The following AOPEP variants were observed in gnomAD, a reference collection of about 807,000 sequenced individuals.
AOPEP encodes aminopeptidase O.
A neutral mutation model predicts 98.1 loss-of-function variants in AOPEP; 77 were observed. The observed-to-expected ratio is 0.78, with a 90% CI of 0.65 to 0.95. The LOEUF is 0.95. Among genes scored for constraint, AOPEP ranks in the 40% least tolerant of loss-of-function variants. The pLI is 0.00. For synonymous variants in AOPEP, 346 were observed against 365.3 expected (o/e 0.95, Z 0.60); for missense variants, 1,024 against 1,024.7 (o/e 1.00, Z 0.01).
intron 5 of AOPEP, among the ~76,000 whole-genome samples, chr9:94,811,312 T>C (rs1269191342): frequency 1.3e-5 from 2 of 152,190 alleles, no homozygotes; most frequent in Non-Finnish European, 2.9e-5. Flanking sequence ...CCCTAGGCTT[T>C]ATATGCCCCA....
At chr9:94,781,412 A>G (rs1453291496) in intron 3 of AOPEP, among the ~76,000 whole-genome samples, 2 of 152,212 alleles carry the variant, frequency 1.3e-5, no homozygotes, top group Non-Finnish European at 2.9e-5. Context: ...TAGTGATAGT[A>G]ACAAAATCGA....
rs137926015 is a variant in AOPEP, at chr9:94,900,947, T to C, written c.1365-23039T>C. 3.9e-5 allele frequency: 6 copies of C among 152,344 alleles called. No individual in the cohort carries two copies. In the East Asian group the frequency reaches 1.2e-3, roughly 29 times the overall value. The allele number at this position is 152,344 out of a possible 1,614,324, so 9.4% of individuals were successfully genotyped here. On this transcript the variant is annotated intron_variant, in intron 5 of 16. Transcript: ENST00000375315. ...TTTTTTTAGAACTTGCTCAACTCTT[T>C]CCTGCAATAATGCTGTGCTTGGATC...
intron 3 of AOPEP, among the ~76,000 whole-genome samples, chr9:94,782,665 C>A (rs1228645615): frequency 1.3e-5 from 2 of 152,160 alleles, no homozygotes; most frequent in South Asian, 4.1e-4. Flanking sequence ...ATTTTCCTCA[C>A]AAAGAAAGAA....
chr9:95,082,482 T>C (rs1026606980), intron 15 of AOPEP, 93 bp from the exon 16 acceptor site: 5 of 1,384,514 alleles, frequency 3.6e-6, no homozygotes, highest in Non-Finnish European at 4.9e-6. Context: ...GACCAGCAAG[T>C]GTGTGTGGAA....
chr9:95,123,925 A>C, the AOPEP span: 2 of 397,932 alleles, frequency 5.0e-6, no homozygotes, highest in South Asian at 4.2e-5. Flanking sequence ...AATAAAATGG[A>C]AATTGTACTT....
intron 5 of AOPEP, among the ~76,000 whole-genome samples, chr9:94,823,333 C>T (rs1044373923): frequency 2.0e-5 from 3 of 152,178 alleles, no homozygotes; most frequent in African/African-American, 2.4e-5. Flanking sequence ...GCAGTTGACT[C>T]GCTTTCTATT....
chr9:94,776,888 C>T (rs530609327), intron 3 of AOPEP, among the ~76,000 whole-genome samples: 1 of 148,404 alleles, frequency 6.7e-6, no homozygotes, highest in South Asian at 2.1e-4. Context: ...CATTCTTGAG[C>T]TCTTAAGTTG....
chr9:95,119,687 A>G, the AOPEP span, among the ~76,000 whole-genome samples: 2 of 151,438 alleles, frequency 1.3e-5, no homozygotes, highest in African/African-American at 4.9e-5. Flanking sequence ...TCTTAATGAT[A>G]TCTATCAAAG....
At chr9:94,775,656 C>T (rs554923535) in intron 3 of AOPEP, among the ~76,000 whole-genome samples, 4 of 152,082 alleles carry the variant, frequency 2.6e-5, no homozygotes, top group Non-Finnish European at 2.9e-5. Context: ...TGAGCCACTG[C>T]GCCCAGCCTT....
chr9:94,790,998 A>T (rs1845586264), intron 3 of AOPEP, among the ~76,000 whole-genome samples: 1 of 152,150 alleles, frequency 6.6e-6, no homozygotes, highest in Admixed American at 6.5e-5. Context: ...ATTTACGCTA[A>T]CAGAAGTTCC....
chr9:95,089,475 C>T (rs533548305), downstream of AOPEP, among the ~76,000 whole-genome samples: 6 of 152,320 alleles, frequency 3.9e-5, no homozygotes, highest in South Asian at 1.2e-3. Flanking sequence ...GATTCATCTG[C>T]CAAGTGGCAG....
At chr9:95,040,054 C>A (rs2065154214) in intron 13 of AOPEP, among the ~76,000 whole-genome samples, 1 of 152,232 alleles carries the variant, frequency 6.6e-6, no homozygotes, top group African/African-American at 2.4e-5. Flanking sequence ...ATCAGCCCTG[C>A]TTTAATACCT....
chr9:94,952,364 A>G (rs904304474), intron 7 of AOPEP, among the ~76,000 whole-genome samples: 1 of 152,240 alleles, frequency 6.6e-6, no homozygotes, highest in Non-Finnish European at 1.5e-5. Flanking sequence ...ATGAAAGTAC[A>G]TTCAGATCAA....
At chr9:94,739,665 T>G (rs1185595325) in intron 1 of AOPEP, among the ~76,000 whole-genome samples, 1 of 151,778 alleles carries the variant, frequency 6.6e-6, no homozygotes, top group Non-Finnish European at 1.5e-5. Context: ...AAAAAAAGAT[T>G]TGGAGTGTTT....
At position 95,060,544 on chromosome 9, in the gene AOPEP, C is replaced by G. The variant is rs559575309; in HGVS notation, c.2116-150C>G. ...AGACAATGTAGGCCCTGAGGAATTACAAAAGTCAGCCGAACAGTCTTTCCA... is the reference window on the plus strand; with the variant it reads ...AGACAATGTAGGCCCTGAGGAATTAGAAAAGTCAGCCGAACAGTCTTTCCA... On this transcript the variant is annotated intron_variant, in intron 13 of 16. Transcript: ENST00000375315. The G allele has an allele frequency of 4.8e-4, 322 of 665,854 alleles. 3 individuals carry two copies. In the South Asian group the frequency reaches 5.3e-3, roughly 11 times the overall value. 41.2% of individuals were successfully genotyped at this position (665,854 alleles called of 1,614,324 possible). A position where few individuals can be genotyped will look rare whatever the true frequency, so the allele number is the denominator to read the frequency against.
intron 7 of AOPEP, among the ~76,000 whole-genome samples, chr9:94,954,935 C>T (rs573517059): frequency 1.3e-5 from 2 of 152,228 alleles, no homozygotes; most frequent in East Asian, 3.9e-4. Flanking sequence ...GAGGGTCTGG[C>T]AGACTTTAAT....
At chr9:94,782,062 A>G (rs1316190547) in intron 3 of AOPEP, among the ~76,000 whole-genome samples, 1 of 151,478 alleles carries the variant, frequency 6.6e-6, no homozygotes, top group African/African-American at 2.4e-5. Flanking sequence ...GCGTGGTGGC[A>G]GGCGCGTGTA....
chr9:94,893,227 A>C (rs1208013169), intron 5 of AOPEP, among the ~76,000 whole-genome samples: 3 of 152,062 alleles, frequency 2.0e-5, no homozygotes, highest in Non-Finnish European at 4.4e-5. Context: ...TTTATTGAAC[A>C]CCCTTTTGGG....
chr9:95,087,546 GT>G (rs200432782), downstream of AOPEP, among the ~76,000 whole-genome samples: 10 of 71,496 alleles, frequency 1.4e-4, no homozygotes, highest in African/African-American at 2.1e-4. Context: ...ACATTCTGGT[GT>G]TCCCCCCCCA....
Sources: allele counts gnomAD v4.1 joint callset (sites outside exome capture counted in the v4.1 genomes callset), GRCh38; gene constraint gnomAD v4.1.1; transcripts MANE v1.5; gene names NCBI Gene and HGNC (gene_info 2026-07-23, HGNC 2026-07-21).